The following GPT2 variants were observed in gnomAD, a reference collection of about 807,000 sequenced individuals.
The protein encoded by GPT2 is alanine aminotransferase 2.
In GPT2, 30 loss-of-function variants were observed where a neutral mutation model predicts 56.9. The ratio of observed to expected loss-of-function variants is 0.53; its 90% CI spans 0.39 to 0.72. The LOEUF (loss-of-function observed/expected upper bound fraction) is 0.72, where lower values mean the gene tolerates loss of function less well. Ranked by LOEUF, GPT2 falls within the 30% of genes least tolerant of loss-of-function variation. The pLI is 0.00. For missense variants in GPT2, 542 were observed against 703.4 expected, an observed-to-expected ratio of 0.77 and a Z score of 2.60; for synonymous variants, 271 against 283.1, an observed-to-expected ratio of 0.96 and a Z score of 0.43.
chr16:46,885,585 A>G, intron 2 of GPT2: 1 of 979,198 alleles, frequency 1.0e-6, no homozygotes, highest in Non-Finnish European at 1.2e-6. Flanking sequence ...GAGGTGGGGA[A>G]CCAGAGAGTT....
In GPT2 at chr16:46,931,161, T is replaced by TG. The variant is rs1299510262; in HGVS notation, c.*2168dup. The TG allele has an allele frequency of 6.6e-6, 1 of 152,176 alleles. No homozygotes were observed. Among genetic ancestry groups the TG allele is most frequent in the Non-Finnish European group, 1.5e-5 (1 of 68,042 alleles). The allele number at this position is 152,176 out of a possible 1,614,324, so 9.4% of individuals were successfully genotyped here. On this transcript the variant is annotated 3_prime_UTR_variant, in exon 12 of 12. Coordinates refer to ENST00000340124, the MANE Select transcript of GPT2 (RefSeq NM_133443.4). ...TCCTGTTCTGGTGTGTGTGGAGTGT[T>TG]GGGGAGGAACAGATGCAGATCAACC...
intron 2 of GPT2, among the ~76,000 whole-genome samples, chr16:46,891,900 T>C (rs1160156665): frequency 2.0e-5 from 3 of 149,060 alleles, no homozygotes; most frequent in Non-Finnish European, 4.5e-5. Flanking sequence ...CCATCCCCAC[T>C]TCTCCCCACC....
chr16:46,890,130 C>T (rs902042049), intron 2 of GPT2, among the ~76,000 whole-genome samples: 20 of 152,232 alleles, frequency 1.3e-4, no homozygotes, highest in African/African-American at 4.3e-4. Flanking sequence ...CAGTCACAGA[C>T]GTGTGTAGCT....
chr16:46,891,591 C>T (rs1960585909), intron 2 of GPT2, among the ~76,000 whole-genome samples: 3 of 152,008 alleles, frequency 2.0e-5, no homozygotes, highest in African/African-American at 4.8e-5. Context: ...CCTTGTGATC[C>T]GCCTGTCTCG....
At chr16:46,899,011 ATATATATATATATATATATATATAT>A (rs1960757805) in intron 3 of GPT2, among the ~76,000 whole-genome samples, 1 of 5,318 alleles carries the variant, frequency 1.9e-4, no homozygotes, top group African/African-American at 4.6e-4. Context: ...ATATATATAT[ATATATATATATATATATATATATAT>A]TTTTTTTTTT....
chr16:46,904,810 C>A (rs1960887338), intron 4 of GPT2, among the ~76,000 whole-genome samples: 1 of 152,178 alleles, frequency 6.6e-6, no homozygotes, highest in Admixed American at 6.5e-5. Context: ...GCAACTAAAT[C>A]ACCTATTGGG....
At chr16:46,894,134 C>T (rs2143368678) in intron 2 of GPT2, among the ~76,000 whole-genome samples, 1 of 152,326 alleles carries the variant, frequency 6.6e-6, no homozygotes, top group South Asian at 2.1e-4. Context: ...GATCTGCAGG[C>T]ACCAAGACCC....
intron 2 of GPT2, among the ~76,000 whole-genome samples, chr16:46,896,603 G>A (rs774818252): frequency 1.3e-5 from 2 of 152,122 alleles, no homozygotes; most frequent in South Asian, 2.1e-4. Flanking sequence ...AGACCATTGC[G>A]GTAGAGCTGC....
chr16:46,900,140 T>G (rs1477419314), intron 3 of GPT2, among the ~76,000 whole-genome samples: 1 of 152,110 alleles, frequency 6.6e-6, no homozygotes, highest in Non-Finnish European at 1.5e-5. Flanking sequence ...TTGTACACAT[T>G]TGCTTGCTTA....
In GPT2 at chr16:46,928,217, A is replaced by G. The variant is rs562575476; in HGVS notation, c.1482-690A>G. Among the ~76,000 whole-genome samples, 4 of 152,020 alleles carry G rather than the reference A, an allele frequency of 2.6e-5. No homozygotes were observed. The East Asian group carries it at 7.8e-4, about 30-fold the overall frequency. On this transcript the variant is annotated intron_variant, in intron 11 of 11. Transcript: ENST00000340124. The stretch of plus-strand genomic sequence containing the variant: ...TTGGCGCATGCCCGTAATCCTAGCT[A>G]CTCGGGAGGCTGAGATGGGAGGATC...
intron 4 of GPT2, among the ~76,000 whole-genome samples, chr16:46,902,821 T>A (rs1404044029): frequency 6.6e-6 from 1 of 152,104 alleles, no homozygotes; most frequent in Non-Finnish European, 1.5e-5. Context: ...AGATGAGATT[T>A]CACCATATTG....
chr16:46,890,371 G>A (rs1960562960), intron 2 of GPT2, among the ~76,000 whole-genome samples: 1 of 152,084 alleles, frequency 6.6e-6, no homozygotes. Context: ...TGGGACCTGC[G>A]GGTCCTCTCT....
chr16:46,900,204 G>A (rs1960788839), intron 3 of GPT2, among the ~76,000 whole-genome samples: 1 of 152,006 alleles, frequency 6.6e-6, no homozygotes. Context: ...AGAAGAGAAA[G>A]CTGGTCCAGT....
At chr16:46,924,852 C>T (rs1961370975) in intron 10 of GPT2, among the ~76,000 whole-genome samples, 1 of 152,166 alleles carries the variant, frequency 6.6e-6, no homozygotes, top group Non-Finnish European at 1.5e-5. Flanking sequence ...CAGGAGCTAC[C>T]ACCTCCACCC....
chr16:46,890,688 G>C (rs1960568738), intron 2 of GPT2, among the ~76,000 whole-genome samples: 2 of 152,124 alleles, frequency 1.3e-5, no homozygotes, highest in South Asian at 4.1e-4. Context: ...CAGTGTGGTG[G>C]TTTAACATTT....
chr16:46,916,059 G>A (rs1240179335), intron 6 of GPT2: 1 of 153,366 alleles, frequency 6.5e-6, no homozygotes, highest in Admixed American at 6.5e-5. Context: ...ATAAAAATAA[G>A]AGCCGGGCCG....
At chr16:46,914,366 TCTC>T (rs1254612725) in intron 6 of GPT2, among the ~76,000 whole-genome samples, 1 of 152,056 alleles carries the variant, frequency 6.6e-6, no homozygotes, top group African/African-American at 2.4e-5. Context: ...TAAAACCTCT[TCTC>T]TACAAAAAAT....
intron 2 of GPT2, among the ~76,000 whole-genome samples, chr16:46,889,558 A>C (rs1468045097): frequency 6.6e-6 from 1 of 152,048 alleles, no homozygotes; most frequent in African/African-American, 2.4e-5. Flanking sequence ...CTTGGCCTAG[A>C]TGCTACTTTA....
intron 6 of GPT2, among the ~76,000 whole-genome samples, chr16:46,910,611 A>G (rs926366593): frequency 2.0e-5 from 3 of 152,004 alleles, no homozygotes; most frequent in Admixed American, 6.6e-5. Context: ...TTATTATTTT[A>G]TAGAGATTGG....
Sources: gnomAD v4.1 joint callset for allele counts (sites outside exome capture counted in the v4.1 genomes callset) on GRCh38, gnomAD v4.1.1 for gene constraint, MANE v1.5 for transcripts, NCBI Gene and HGNC (gene_info 2026-07-23, HGNC 2026-07-21) for gene names.